NEB: variants seen among roughly 807,000 people sequenced by gnomAD.
NEB encodes the protein nebulin.
In NEB, 512 loss-of-function variants were observed where a neutral mutation model predicts 952.2. The ratio of observed to expected loss-of-function variants is 0.54; its 90% CI spans 0.50 to 0.58. NEB has a LOEUF of 0.58. Ranked by LOEUF, NEB falls within the 20% of genes least tolerant of loss-of-function variation. The pLI, the probability that NEB is intolerant of heterozygous loss-of-function variation, is 0.00. For synonymous variants in NEB, 2,900 were observed against 3,149.8 expected (o/e 0.92, Z 2.66); for missense variants, 8,428 against 9,231.1 (o/e 0.91, Z 3.56).
intron 27 of NEB, 62 bp downstream of exon 27, chr2:151,687,357 C>T: frequency 7.1e-7 from 1 of 1,399,394 alleles, no homozygotes; most frequent in Non-Finnish European, 1.0e-6. Flanking sequence ...CACACTACTA[C>T]CCTTGGGCAT....
Position 151,497,661 on chromosome 2 carries a change from C to CCAT in NEB, c.24262_24264dup (p.Met8088dup), listed in dbSNP as rs769252768. On this transcript the variant is annotated inframe_insertion, in exon 171 of 182. Coordinates refer to ENST00000397345, the MANE Select transcript of NEB (RefSeq NM_001164508.2). Reference sequence around the variant, plus strand: ...TTTTCTTGATTGTGTTTGACTCTTTCCATCTCGGGAGTGACAGGTAAAGGG... The same window carrying CCAT: ...TTTTCTTGATTGTGTTTGACTCTTTCCATCATCTCGGGAGTGACAGGTAAAGGG... 1.9e-5 allele frequency: 30 copies of CCAT among 1,584,520 alleles called. 1 individual carries two copies. The South Asian group carries it at 3.1e-4, about 16-fold the overall frequency.
rs549651526 is a variant in NEB, at chr2:151,541,638, A to G, written c.20578-87T>C. ...GATGCCTTCACTGCTTTTACATAGA[A>G]AAGGCAGGAGCCCTCCCACTGCAAC... On this transcript the variant is annotated intron_variant, in intron 135 of 181. Coordinates refer to ENST00000397345, the MANE Select transcript of NEB (RefSeq NM_001164508.2). 98 of 1,039,462 alleles carry G rather than the reference A, an allele frequency of 9.4e-5. 2 individuals are homozygous for G. The African/African-American group carries it at 1.5e-3, about 16-fold the overall frequency. The allele number at this position is 1,039,462 out of a possible 1,614,324, so 64.4% of individuals were successfully genotyped here.
At chr2:151,661,479 C>T (rs1558952742) in intron 46 of NEB, among the ~76,000 whole-genome samples, 1 of 152,274 alleles carries the variant, frequency 6.6e-6, no homozygotes, top group South Asian at 2.1e-4. Flanking sequence ...TCTCTGTTAT[C>T]AAAGGCATTT....
chr2:151,626,931 A>T, intron 70 of NEB, 71 bp downstream of exon 70: 1 of 1,542,492 alleles, frequency 6.5e-7, no homozygotes, highest in Non-Finnish European at 8.9e-7. Context: ...AAAAGAGACT[A>T]ACTTAATTAA....
intron 63 of NEB, 91 bp downstream of exon 63, chr2:151,639,185 ATTCT>A (rs931937305): frequency 1.2e-4 from 120 of 970,736 alleles, no homozygotes; most frequent in African/African-American, 3.1e-4. Context: ...CATGAAAAAG[ATTCT>A]TTCTAAAGCT....
Position 151,513,537 on chromosome 2 carries a change from C to G in NEB, c.23241+43G>C, listed in dbSNP as rs117694074. 2,454 of 1,419,048 alleles carry G rather than the reference C, an allele frequency of 1.7e-3. 38 individuals are homozygous for G. The East Asian group carries it at 0.031, about 18-fold the overall frequency. 87.9% of individuals were successfully genotyped at this position (1,419,048 alleles called of 1,614,324 possible). On this transcript the variant is annotated intron_variant, in intron 160 of 181. Transcript: ENST00000397345. ...GGGACACTTTATGTCCTTAAAGTTA[C>G]AACTACTTTCCTGAAAGATTGACAT...
At chr2:151,533,573 CA>C in intron 142 of NEB, 27 bp from the exon 143 acceptor site, 5 of 1,368,100 alleles carry the variant, frequency 3.7e-6, no homozygotes, top group Non-Finnish European at 5.0e-6. Flanking sequence ...CAGTGAAGCA[CA>C]AAAGAGACTT....
chr2:151,734,374 G>A (rs1370967365), intron 1 of NEB, 24 bp downstream of exon 1: 3 of 152,090 alleles, frequency 2.0e-5, no homozygotes, highest in African/African-American at 7.2e-5. Flanking sequence ...GAGTATTACA[G>A]AAAAAGTCAT....
intron 148 of NEB, 32 bp downstream of exon 148, chr2:151,526,886 G>C: frequency 7.0e-7 from 1 of 1,433,500 alleles, no homozygotes; most frequent in Non-Finnish European, 9.7e-7. Flanking sequence ...CCTGAGTGAG[G>C]TTAGGCATCA....
chr2:151,682,479 A>G (rs1016222393), intron 29 of NEB, among the ~76,000 whole-genome samples, 183 bp downstream of exon 29: 8 of 152,230 alleles, frequency 5.3e-5, no homozygotes, highest in Non-Finnish European at 1.2e-4. Flanking sequence ...AATGGTTAAC[A>G]TAAATGATTT....
At chr2:151,491,850 TAACA>T (rs2056855655) in intron 178 of NEB, 75 bp from the exon 179 acceptor site, 1 of 1,220,986 alleles carries the variant, frequency 8.2e-7, no homozygotes, top group African/African-American at 1.5e-5. Flanking sequence ...GCATGAATTT[TAACA>T]ACCACCAAAG....
At chr2:151,549,817 G>T in intron 129 of NEB, 77 bp from the exon 130 acceptor site, 1 of 817,080 alleles carries the variant, frequency 1.2e-6, no homozygotes, top group Non-Finnish European at 2.1e-6. Flanking sequence ...ATCACATATA[G>T]CTCATGTTAC....
Position 151,640,072 on chromosome 2 carries a change from A to C in NEB, c.8686-12T>G, listed in dbSNP as rs569573558. The C allele has an allele frequency of 6.2e-7, 1 of 1,602,442 alleles. No homozygotes were observed. The highest frequency in any genetic ancestry group is 1.7e-5 in the Admixed American group (1 of 59,984). On this transcript the variant is annotated splice_polypyrimidine_tract_variant and intron_variant, in intron 61 of 181. Coordinates refer to ENST00000397345, the MANE Select transcript of NEB (RefSeq NM_001164508.2). ...GACTTGTACATATTCTGTTGACACA[A>C]ATAGCCAATAAATATTTATCTCTGT... is the stretch of plus-strand genomic sequence containing the variant.
intron 32 of NEB, among the ~76,000 whole-genome samples, chr2:151,679,467 G>T (rs1576066281): frequency 1.3e-5 from 2 of 152,208 alleles, no homozygotes; most frequent in African/African-American, 4.8e-5. Context: ...GAAGTAATGT[G>T]AGTTAGTGTA....
intron 46 of NEB, among the ~76,000 whole-genome samples, chr2:151,661,465 T>C (rs10192459): frequency 0.099 from 14,997 of 152,204 alleles, 1,245 homozygotes; most frequent in African/African-American, 0.22. Flanking sequence ...CCAAATCATC[T>C]TTTTCTCTGT....
chr2:151,675,693 C>A (rs2099353974), intron 34 of NEB, among the ~76,000 whole-genome samples: 1 of 152,108 alleles, frequency 6.6e-6, no homozygotes, highest in Non-Finnish European at 1.5e-5. Context: ...AAAGCCAAAT[C>A]AATTTATTAT....
intron 161 of NEB, among the ~76,000 whole-genome samples, chr2:151,511,978 C>T (rs546139292): frequency 1.9e-4 from 29 of 149,278 alleles, no homozygotes; most frequent in African/African-American, 6.9e-4. Context: ...AAGAGTTCTT[C>T]ACTACCTTAA....
intron 2 of NEB, among the ~76,000 whole-genome samples, 177 bp downstream of exon 2, chr2:151,733,535 G>C (rs1278928803): frequency 6.6e-6 from 1 of 152,108 alleles, no homozygotes; most frequent in Non-Finnish European, 1.5e-5. Flanking sequence ...AAATTTTAGT[G>C]AAAGGTCAGC....
chr2:151,563,520 TGAA>T (rs2096215798), intron 119 of NEB, 83 bp downstream of exon 119: 2 of 1,213,066 alleles, frequency 1.6e-6, no homozygotes, highest in Admixed American at 1.7e-5. Flanking sequence ...CCAGCTAACC[TGAA>T]CCAAAGGGCA....
Sources: allele counts gnomAD v4.1 joint callset (sites outside exome capture counted in the v4.1 genomes callset), GRCh38; gene constraint gnomAD v4.1.1; transcripts MANE v1.5; gene names NCBI Gene and HGNC (gene_info 2026-07-23, HGNC 2026-07-21).